Variants in PPP4R2 observed in about 807,000 individuals in gnomAD.
The protein encoded by PPP4R2 is serine/threonine-protein phosphatase 4 regulatory subunit 2.
In PPP4R2, 13 loss-of-function variants were observed where a neutral mutation model predicts 47.2. The observed-to-expected ratio is 0.28, with a 90% CI of 0.18 to 0.44. The LOEUF is 0.44. Among genes scored for constraint, PPP4R2 ranks in the 20% least tolerant of loss-of-function variants. The pLI, the probability that PPP4R2 is intolerant of heterozygous loss-of-function variation, is 1.00. For missense variants in PPP4R2, 421 were observed against 491.2 expected (o/e 0.86, Z 1.35); for synonymous variants, 151 against 163.3 (o/e 0.92, Z 0.57).
chr3:73,017,241 G>GGA (rs1205924195), intron 2 of PPP4R2, among the ~76,000 whole-genome samples: 1 of 152,132 alleles, frequency 6.6e-6, no homozygotes, highest in East Asian at 1.9e-4. Flanking sequence ...ATATCTGTGG[G>GGA]GAGAGAGCCT....
chr3:73,052,587 T>C (rs201317171), intron 3 of PPP4R2, among the ~76,000 whole-genome samples: 1 of 34,744 alleles, frequency 2.9e-5, no homozygotes, highest in Non-Finnish European at 6.1e-5. Flanking sequence ...AGGCATTTTG[T>C]TGAGGGATAG....
chr3:73,017,604 T>A (rs955214344), intron 2 of PPP4R2, among the ~76,000 whole-genome samples: 1 of 152,212 alleles, frequency 6.6e-6, no homozygotes, highest in Non-Finnish European at 1.5e-5. Flanking sequence ...CAGAATTAAG[T>A]GTATGTTAAA....
chr3:73,011,404 G>T (rs1239079278), intron 2 of PPP4R2, among the ~76,000 whole-genome samples: 1 of 152,132 alleles, frequency 6.6e-6, no homozygotes, highest in Non-Finnish European at 1.5e-5. Context: ...TCGCTGGAAC[G>T]CGGGAGGCAG....
chr3:73,038,482 A>G lies in PPP4R2; in HGVS notation c.117-8704A>G, dbSNP rs538618194. On this transcript the variant is annotated intron_variant, in intron 2 of 8. Coordinates refer to ENST00000356692, the MANE Select transcript of PPP4R2 (RefSeq NM_174907.4). ...ATGATCTTGGCTCACAGCAACCTCCACCTCCCAGGTTCAAGCAATTCTCCT... is the reference window on the plus strand; with the variant it reads ...ATGATCTTGGCTCACAGCAACCTCCGCCTCCCAGGTTCAAGCAATTCTCCT... 3.3e-5 allele frequency among the ~76,000 whole-genome samples: 5 copies of G among 151,318 alleles called. No individual in the cohort carries two copies. In the East Asian group the frequency reaches 9.7e-4, roughly 29 times the overall value.
At position 73,066,368 on chromosome 3, in the gene PPP4R2, TTCTTTC is replaced by T. The variant is rs1702997961; in HGVS notation, c.*651_*656del. 1 of 151,730 alleles carries T rather than the reference TTCTTTC, an allele frequency of 6.6e-6. No homozygotes were observed. Among genetic ancestry groups the T allele is most frequent in the African/African-American group, 2.4e-5 (1 of 41,370 alleles). 9.4% of individuals were successfully genotyped at this position (151,730 alleles called of 1,614,324 possible). A position where few individuals can be genotyped will look rare whatever the true frequency, so the allele number is the denominator to read the frequency against. ...GAGTTCACCTCTTTCAGAAGACATTTTCTTTCTCTTCTGAGTAATTGAAATAAAATC... is the reference window on the plus strand; with the variant it reads ...GAGTTCACCTCTTTCAGAAGACATTTTCTTCTGAGTAATTGAAATAAAATC... On this transcript the variant is annotated 3_prime_UTR_variant, in exon 9 of 9. Coordinates refer to ENST00000356692, the MANE Select transcript of PPP4R2 (RefSeq NM_174907.4).
chr3:73,029,994 A>G (rs1032851076), intron 2 of PPP4R2, among the ~76,000 whole-genome samples: 5 of 152,224 alleles, frequency 3.3e-5, no homozygotes, highest in African/African-American at 4.8e-5. Flanking sequence ...AGCTTGGAGT[A>G]GATTTGAGAG....
At chr3:73,044,703 C>T (rs1398781839) in intron 2 of PPP4R2, among the ~76,000 whole-genome samples, 2 of 152,108 alleles carry the variant, frequency 1.3e-5, no homozygotes, top group African/African-American at 4.8e-5. Flanking sequence ...TTTACATTTC[C>T]CCAAGATTAA....
chr3:73,015,531 A>G (rs984579618), intron 2 of PPP4R2, among the ~76,000 whole-genome samples: 1 of 147,090 alleles, frequency 6.8e-6, no homozygotes, highest in South Asian at 2.2e-4. Flanking sequence ...GCTGGAGTGC[A>G]GTGGCATGAT....
intron 2 of PPP4R2, among the ~76,000 whole-genome samples, chr3:72,999,908 C>T (rs1438611850): frequency 6.6e-6 from 1 of 152,094 alleles, no homozygotes; most frequent in African/African-American, 2.4e-5. Flanking sequence ...TAGCTTTAAG[C>T]TTTGATTTCT....
chr3:73,046,002 G>A (rs1429827391), intron 2 of PPP4R2, among the ~76,000 whole-genome samples: 1 of 152,130 alleles, frequency 6.6e-6, no homozygotes, highest in Non-Finnish European at 1.5e-5. Context: ...TGTAAAAGAT[G>A]TATTCAAGGG....
rs1702959929 is a variant in PPP4R2, at chr3:73,065,077, T to C, written c.864T>C (p.Asp288=). Residue 288 remains aspartate, a synonymous_variant, in exon 8 of 9, where the codon GAT becomes GAC. Transcript: ENST00000356692. ...ASSSSQDKDK[D]SRCTRQHCTE... is the part of the protein sequence containing the mutation. ...CTTCATCTCAGGATAAAGACAAAGA[T>C]AGCCGTTGTACCCGGCAGCACTGTA... The C allele has an allele frequency of 3.1e-6, 5 of 1,613,964 alleles. No individual in the cohort carries two copies. The East Asian group carries it at 1.1e-4, about 36-fold the overall frequency.
chr3:73,059,172 A>G lies in PPP4R2; in HGVS notation c.381+42A>G, dbSNP rs768315981. The G allele has an allele frequency of 5.1e-5, 50 of 984,334 alleles. 1 individual carries two copies. The highest frequency in any genetic ancestry group is 7.5e-5 in the Non-Finnish European group (49 of 651,660). The allele number at this position is 984,334 out of a possible 1,614,324, so 61.0% of individuals were successfully genotyped here. A position where few individuals can be genotyped will look rare whatever the true frequency, so the allele number is the denominator to read the frequency against. ...TGGAATTATATTATGCTGTGGTGTA[A>G]TAGCTTTTATTTTAGAAAAGAACAT... On this transcript the variant is annotated intron_variant, in intron 4 of 8. Coordinates refer to ENST00000356692, the MANE Select transcript of PPP4R2 (RefSeq NM_174907.4).
At chr3:73,061,089 AT>A (rs1340955559) in intron 5 of PPP4R2, 29 bp downstream of exon 5, 1 of 1,058,252 alleles carries the variant, frequency 9.4e-7, no homozygotes, top group East Asian at 2.7e-5. Flanking sequence ...TTTCTAGTAT[AT>A]TATTTACTAT....
intron 3 of PPP4R2, among the ~76,000 whole-genome samples, chr3:73,050,269 C>T (rs1308271094): frequency 1.3e-4 from 19 of 151,926 alleles, no homozygotes; most frequent in Admixed American, 1.2e-3. Context: ...CTGGCCCGAA[C>T]TTACATTTTT....
At chr3:73,028,058 A>G (rs1702100757) in intron 2 of PPP4R2, among the ~76,000 whole-genome samples, 1 of 150,950 alleles carries the variant, frequency 6.6e-6, no homozygotes, top group Non-Finnish European at 1.5e-5. Context: ...GGAGTTTGAG[A>G]CCAGCCTGGC....
intron 2 of PPP4R2, among the ~76,000 whole-genome samples, chr3:73,016,821 T>C (rs1234148204): frequency 1.4e-5 from 2 of 145,390 alleles, no homozygotes; most frequent in African/African-American, 5.1e-5. Context: ...TTCTTTTTTT[T>C]TTTTTTTTTT....
chr3:73,018,207 TG>T (rs1701880520), intron 2 of PPP4R2, among the ~76,000 whole-genome samples: 2 of 152,222 alleles, frequency 1.3e-5, no homozygotes, highest in African/African-American at 2.4e-5. Flanking sequence ...GTTTCAACTG[TG>T]GGGGTCAACT....
chr3:73,004,891 G>C, intron 2 of PPP4R2, among the ~76,000 whole-genome samples: 2 of 147,394 alleles, frequency 1.4e-5, no homozygotes, highest in South Asian at 4.3e-4. Context: ...GTTTGTGTGT[G>C]TGTGTTTTGA....
chr3:73,062,543 G>C (rs1559569989), intron 5 of PPP4R2: 1 of 1,613,968 alleles, frequency 6.2e-7, no homozygotes, highest in South Asian at 1.1e-5. Flanking sequence ...CTGTGGTTGG[G>C]AATGAGAACG....
Sources: gnomAD v4.1 joint callset for allele counts (sites outside exome capture counted in the v4.1 genomes callset) on GRCh38, gnomAD v4.1.1 for gene constraint, MANE v1.5 for transcripts, NCBI Gene and HGNC (gene_info 2026-07-23, HGNC 2026-07-21) for gene names.